Variants in PRRX1 observed in about 807,000 individuals in gnomAD.
The protein encoded by PRRX1 is paired mesoderm homeobox protein 1.
Under a neutral mutation model 24.0 loss-of-function variants are expected in PRRX1, and 8 were observed. The ratio of observed to expected loss-of-function variants is 0.33; its 90% CI spans 0.20 to 0.60. PRRX1 has a LOEUF of 0.60. PRRX1 is among the 20% of genes least tolerant of loss of function. The pLI is 0.82. For missense variants in PRRX1, 281 were observed against 322.4 expected, an observed-to-expected ratio of 0.87 and a Z score of 0.98; for synonymous variants, 160 against 131.7, an observed-to-expected ratio of 1.22 and a Z score of -1.47.
chr1:170,682,373 G>A (rs1269598539), intron 1 of PRRX1, among the ~76,000 whole-genome samples: 2 of 90,328 alleles, frequency 2.2e-5, no homozygotes, highest in Non-Finnish European at 2.7e-5. Flanking sequence ...TGGTGCCTCA[G>A]TCACATCCTG....
chr1:170,706,431 A>G (rs916158189), intron 1 of PRRX1, among the ~76,000 whole-genome samples: 1 of 152,226 alleles, frequency 6.6e-6, no homozygotes, highest in East Asian at 1.9e-4. Flanking sequence ...ATTTAATACT[A>G]TGCCCTTTTT....
intron 1 of PRRX1, among the ~76,000 whole-genome samples, chr1:170,666,417 C>CAAAAAAAAA (rs35075394): frequency 2.1e-4 from 16 of 75,932 alleles, no homozygotes; most frequent in Admixed American, 4.6e-4. Flanking sequence ...GACTCCGTCT[C>CAAAAAAAAA]AAAAAAAAAA....
At chr1:170,732,952 C>A (rs934954346) in intron 3 of PRRX1, among the ~76,000 whole-genome samples, 1 of 152,076 alleles carries the variant, frequency 6.6e-6, no homozygotes, top group Non-Finnish European at 1.5e-5. Context: ...CAGACGAGGG[C>A]ACTGTTCTTT....
intron 1 of PRRX1, among the ~76,000 whole-genome samples, chr1:170,669,766 C>T (rs1444421804): frequency 6.6e-5 from 10 of 152,216 alleles, no homozygotes. Context: ...GCCTGCATTG[C>T]GACCCCCGGC....
chr1:170,686,056 A>T (rs2101894677), intron 1 of PRRX1, among the ~76,000 whole-genome samples: 1 of 152,080 alleles, frequency 6.6e-6, no homozygotes, highest in East Asian at 1.9e-4. Flanking sequence ...TATAGTTAAA[A>T]TGTAGACCGT....
intron 1 of PRRX1, among the ~76,000 whole-genome samples, chr1:170,679,512 G>A (rs562408387): frequency 6.6e-6 from 1 of 152,236 alleles, no homozygotes; most frequent in South Asian, 2.1e-4. Flanking sequence ...CCATTCTCCT[G>A]CCTTAGCCTC....
chr1:170,713,217 C>T (rs992289343), intron 1 of PRRX1, among the ~76,000 whole-genome samples: 1 of 152,128 alleles, frequency 6.6e-6, no homozygotes, highest in Non-Finnish European at 1.5e-5. Flanking sequence ...AAATGTTGTG[C>T]TCTGGAGTTA....
At chr1:170,677,629 GT>G (rs770735027) in intron 1 of PRRX1, among the ~76,000 whole-genome samples, 2 of 152,096 alleles carry the variant, frequency 1.3e-5, no homozygotes, top group Admixed American at 1.3e-4. Flanking sequence ...GAGTCTATTT[GT>G]TTTCTATCTA....
chr1:170,727,385 T>G (rs180918858), intron 3 of PRRX1: 3 of 152,338 alleles, frequency 2.0e-5, no homozygotes, highest in East Asian at 1.9e-4. Flanking sequence ...CAAGCCTACG[T>G]GTTCTCCCTG....
At chr1:170,675,233 A>G (rs1473799629) in intron 1 of PRRX1, among the ~76,000 whole-genome samples, 2 of 152,136 alleles carry the variant, frequency 1.3e-5, no homozygotes, top group African/African-American at 4.8e-5. Context: ...TGCTTGTTCT[A>G]GCTGGGAAAC....
chr1:170,738,977 T>C lies in PRRX1; in HGVS notation c.*2791T>C, dbSNP rs1655710817. 4.4e-6 allele frequency: 1 copy of C among 225,130 alleles called. No individual in the cohort carries two copies. Among genetic ancestry groups the C allele is most frequent in the South Asian group, 1.8e-4 (1 of 5,446 alleles). 13.9% of individuals were successfully genotyped at this position (225,130 alleles called of 1,614,324 possible). A position where few individuals can be genotyped will look rare whatever the true frequency, so the allele number is the denominator to read the frequency against. On this transcript the variant is annotated 3_prime_UTR_variant, in exon 4 of 4. Coordinates refer to ENST00000239461, the MANE Select transcript of PRRX1 (RefSeq NM_022716.4). ...TAAGCACTTGATCAAGAAATATACA[T>C]GTTGTACAAGCTCTCAATTTTGTTC...
In PRRX1 at chr1:170,702,143, A is replaced by G. The variant is rs183287601; in HGVS notation, c.242-17583A>G. ...AGTTCACAATAGGGTTTCTACTCGT[A>G]TAAGAATCTAATGCTACCGCTGATT... On this transcript the variant is annotated intron_variant, in intron 1 of 3. Transcript: ENST00000239461. Among the ~76,000 whole-genome samples the G allele has an allele frequency of 6.0e-3, 907 of 152,340 alleles. 6 individuals carry two copies. Among genetic ancestry groups the G allele is most frequent in the Non-Finnish European group, 7.2e-3 (487 of 68,026 alleles).
intron 1 of PRRX1, among the ~76,000 whole-genome samples, chr1:170,713,508 G>GA (rs1162943529): frequency 6.6e-6 from 1 of 152,176 alleles, no homozygotes; most frequent in East Asian, 1.9e-4. Context: ...ATATAACAAA[G>GA]AAGCTAAAAA....
At chr1:170,680,755 A>G (rs141668822) in intron 1 of PRRX1, among the ~76,000 whole-genome samples, 1 of 152,276 alleles carries the variant, frequency 6.6e-6, no homozygotes, top group Non-Finnish European at 1.5e-5. Context: ...TCACCTTCTC[A>G]ATGAGTTTTC....
intron 1 of PRRX1, among the ~76,000 whole-genome samples, chr1:170,705,200 T>C (rs954665588): frequency 1.3e-5 from 2 of 152,210 alleles, no homozygotes; most frequent in African/African-American, 2.4e-5. Flanking sequence ...ATATAGCTCA[T>C]GGTTGTGTCA....
intron 1 of PRRX1, among the ~76,000 whole-genome samples, chr1:170,714,577 A>G (rs1227081476): frequency 6.6e-6 from 1 of 152,084 alleles, no homozygotes; most frequent in African/African-American, 2.4e-5. Flanking sequence ...CCGTACCTTT[A>G]AATTACGTTT....
intron 3 of PRRX1, chr1:170,728,781 A>T (rs2101924239): frequency 6.6e-6 from 1 of 152,278 alleles, no homozygotes; most frequent in Non-Finnish European, 1.5e-5. Context: ...CTATTCTGTT[A>T]TTTGGAGAAT....
intron 1 of PRRX1, among the ~76,000 whole-genome samples, chr1:170,712,325 A>T (rs1270161826): frequency 1.3e-5 from 2 of 152,168 alleles, no homozygotes; most frequent in Non-Finnish European, 2.9e-5. Context: ...ATCCTTGTGC[A>T]ATTTTGAGTC....
rs114966132 is a variant in PRRX1, at chr1:170,688,797, C to T, written c.241+24338C>T. 7.7e-3 allele frequency among the ~76,000 whole-genome samples: 1,174 copies of T among 152,148 alleles called. 16 individuals carry two copies. Among genetic ancestry groups the T allele is most frequent in the African/African-American group, 0.027 (1,114 of 41,534 alleles). Reference sequence around the variant, plus strand: ...TTCTGGGAACTGTTTACAGGAAATTCCTGACTGACATTTTTTTCTTCCCAT... The same window carrying T: ...TTCTGGGAACTGTTTACAGGAAATTTCTGACTGACATTTTTTTCTTCCCAT... On this transcript the variant is annotated intron_variant, in intron 1 of 3. Coordinates refer to ENST00000239461, the MANE Select transcript of PRRX1 (RefSeq NM_022716.4).
Sources: gnomAD v4.1 joint callset for allele counts (sites outside exome capture counted in the v4.1 genomes callset) on GRCh38, gnomAD v4.1.1 for gene constraint, MANE v1.5 for transcripts, NCBI Gene and HGNC (gene_info 2026-07-23, HGNC 2026-07-21) for gene names.